Variants in DOCK4 observed in about 807,000 individuals in gnomAD.
DOCK4 encodes dedicator of cytokinesis protein 4.
DOCK4 carries 97 observed loss-of-function variants against 268.1 expected under a neutral mutation model. The observed-to-expected ratio is 0.36, with a 90% CI of 0.31 to 0.43. The LOEUF (loss-of-function observed/expected upper bound fraction) is 0.43. Ranked by LOEUF, DOCK4 falls within the 20% of genes least tolerant of loss-of-function variation. The probability of loss-of-function intolerance (pLI) is 1.00; values close to 1 mark genes in which losing one functional copy is unlikely to be tolerated. For synonymous variants in DOCK4, 954 were observed against 887.2 expected (o/e 1.08, Z -1.34); for missense variants, 2,145 against 2,455.7 (o/e 0.87, Z 2.67).
chr7:111,984,670 T>C (rs1041959379), intron 6 of DOCK4, among the ~76,000 whole-genome samples: 1 of 152,170 alleles, frequency 6.6e-6, no homozygotes, highest in Non-Finnish European at 1.5e-5. Flanking sequence ...TAGCACCACA[T>C]GGTGTGGAGC....
chr7:111,944,426 A>G (rs1795451438), intron 10 of DOCK4, among the ~76,000 whole-genome samples: 1 of 152,194 alleles, frequency 6.6e-6, no homozygotes, highest in South Asian at 2.1e-4. Context: ...GGAAAATGCC[A>G]ATTTATACAG....
At chr7:111,976,818 CTG>C in intron 8 of DOCK4, 1 of 190,452 alleles carries the variant, frequency 5.3e-6, no homozygotes, top group South Asian at 1.4e-4. Context: ...TCCAGAGAAT[CTG>C]TATCTTCTTT....
chr7:111,786,721 T>A (rs949528389), intron 32 of DOCK4, among the ~76,000 whole-genome samples: 1 of 152,198 alleles, frequency 6.6e-6, no homozygotes, highest in African/African-American at 2.4e-5. Context: ...TTGTACCATA[T>A]AACGGCATGT....
At chr7:111,801,943 T>A (rs1322523555) in intron 30 of DOCK4, among the ~76,000 whole-genome samples, 1 of 151,444 alleles carries the variant, frequency 6.6e-6, no homozygotes, top group Non-Finnish European at 1.5e-5. Context: ...CCTCATTAAC[T>A]GCCTGCCTTG....
intron 1 of DOCK4, among the ~76,000 whole-genome samples, chr7:112,167,702 C>T (rs1335344737): frequency 6.6e-6 from 1 of 152,066 alleles, no homozygotes; most frequent in Non-Finnish European, 1.5e-5. Context: ...TCCTTAATTG[C>T]TAATTCAAGC....
intron 23 of DOCK4, among the ~76,000 whole-genome samples, chr7:111,850,246 C>A (rs999176682): frequency 2.0e-5 from 3 of 152,036 alleles, no homozygotes; most frequent in African/African-American, 4.8e-5. Context: ...GATCACCTTG[C>A]CCTGTCCTCA....
intron 23 of DOCK4, 122 bp from the exon 24 acceptor site, chr7:111,847,248 G>A (rs1804180420): frequency 8.2e-7 from 1 of 1,219,384 alleles, no homozygotes; most frequent in Non-Finnish European, 1.1e-6. Context: ...TAGTTACAAA[G>A]GTATTAGTTC....
intron 47 of DOCK4, among the ~76,000 whole-genome samples, chr7:111,740,472 C>A (rs1392847992): frequency 6.6e-6 from 1 of 150,708 alleles, no homozygotes; most frequent in East Asian, 2.0e-4. Flanking sequence ...GTAGCTCATG[C>A]CTGTAATCCC....
intron 1 of DOCK4, among the ~76,000 whole-genome samples, chr7:112,089,872 A>T (rs1285671740): frequency 6.6e-6 from 1 of 152,154 alleles, no homozygotes; most frequent in Admixed American, 6.5e-5. Context: ...TTCTTTTTTT[A>T]AATAAATTAC....
intron 1 of DOCK4, among the ~76,000 whole-genome samples, chr7:112,202,657 C>T (rs967417564): frequency 2.6e-5 from 4 of 151,658 alleles, no homozygotes; most frequent in East Asian, 1.9e-4. Flanking sequence ...TTGCTTGAGG[C>T]GATCAACCAG....
At chr7:112,041,174 T>C (rs1393043316) in intron 1 of DOCK4, among the ~76,000 whole-genome samples, 3 of 152,212 alleles carry the variant, frequency 2.0e-5, no homozygotes, top group East Asian at 1.9e-4. Flanking sequence ...ACCCATCTAT[T>C]GTGACAGGAA....
intron 12 of DOCK4, among the ~76,000 whole-genome samples, chr7:111,920,077 C>A (rs1230220421): frequency 6.6e-6 from 1 of 152,008 alleles, no homozygotes; most frequent in Non-Finnish European, 1.5e-5. Context: ...AAACGTTGAA[C>A]TCATAGAAGC....
intron 44 of DOCK4, among the ~76,000 whole-genome samples, chr7:111,745,510 G>A (rs892312528): frequency 2.0e-5 from 3 of 151,422 alleles, no homozygotes; most frequent in Admixed American, 6.6e-5. Flanking sequence ...GTGAAACCCC[G>A]TCTCTACTAA....
chr7:111,930,023 C>A (rs892090985), intron 12 of DOCK4, among the ~76,000 whole-genome samples: 5 of 152,180 alleles, frequency 3.3e-5, no homozygotes, highest in African/African-American at 1.2e-4. Flanking sequence ...TATAATTCAA[C>A]TGCTGTCTAT....
chr7:111,815,143 T>A (rs1387014712), intron 27 of DOCK4, among the ~76,000 whole-genome samples: 1 of 152,170 alleles, frequency 6.6e-6, no homozygotes, highest in Non-Finnish European at 1.5e-5. Context: ...TTAGCAAAAT[T>A]GTATCTAATG....
intron 26 of DOCK4, among the ~76,000 whole-genome samples, chr7:111,830,412 C>T (rs1469758885): frequency 1.3e-5 from 2 of 150,320 alleles, no homozygotes; most frequent in South Asian, 4.2e-4. Flanking sequence ...GGCGACAGAG[C>T]GAGACTCATT....
chr7:112,037,066 A>G (rs1803865441), intron 1 of DOCK4, among the ~76,000 whole-genome samples: 2 of 152,202 alleles, frequency 1.3e-5, no homozygotes, highest in African/African-American at 4.8e-5. Flanking sequence ...GATATATGGT[A>G]TAATGTTCTC....
At chr7:112,035,767 C>T (rs1006806441) in intron 1 of DOCK4, among the ~76,000 whole-genome samples, 13 of 152,006 alleles carry the variant, frequency 8.6e-5, no homozygotes, top group African/African-American at 3.1e-4. Context: ...CAAAACCAGT[C>T]ACTACAGAAA....
In DOCK4 at chr7:111,741,512, T is replaced by C. The variant is rs371201135; in HGVS notation, c.4919+28A>G. The C allele has an allele frequency of 5.6e-6, 9 of 1,609,050 alleles. No homozygotes were observed. In the African/African-American group the frequency reaches 1.1e-4, roughly 19 times the overall value. On this transcript the variant is annotated intron_variant, in intron 46 of 52. Transcript: ENST00000428084. ...AGATCAGCTTGCGGGTGAGGCCAAA[T>C]TGTAAGATAATTTGGAATATGACTT...
Sources: allele counts gnomAD v4.1 joint callset (sites outside exome capture counted in the v4.1 genomes callset), GRCh38; gene constraint gnomAD v4.1.1; transcripts MANE v1.5; gene names NCBI Gene and HGNC (gene_info 2026-07-23, HGNC 2026-07-21).